Variants in RSBN1L observed in about 807,000 individuals in gnomAD.
RSBN1L encodes round spermatid basic protein 1 like, also known as lysine-specific demethylase RSBN1L.
In RSBN1L, 30 loss-of-function variants were observed where a neutral mutation model predicts 67.7. That is an observed-to-expected ratio of 0.44 (90% CI 0.33 to 0.60). The LOEUF (loss-of-function observed/expected upper bound fraction) is 0.60, where lower values mean the gene tolerates loss of function less well. Ranked by LOEUF, RSBN1L falls within the 20% of genes least tolerant of loss-of-function variation. The pLI, the probability that RSBN1L is intolerant of heterozygous loss-of-function variation, is 0.02. For synonymous variants in RSBN1L, 433 were observed against 387.0 expected (o/e 1.12, Z -1.39); for missense variants, 992 against 1,031.7 (o/e 0.96, Z 0.53).
intron 2 of RSBN1L, among the ~76,000 whole-genome samples, chr7:77,742,188 C>CACACACACA (rs1417244979): frequency 1.4e-5 from 2 of 140,480 alleles, no homozygotes; most frequent in African/African-American, 5.6e-5. Flanking sequence ...AAAATACACA[C>CACACACACA]ACACACACAC....
chr7:77,735,922 T>C (rs1188980000), intron 1 of RSBN1L, among the ~76,000 whole-genome samples: 6 of 152,154 alleles, frequency 3.9e-5, no homozygotes, highest in Non-Finnish European at 7.4e-5. Context: ...TCTAGTCTTA[T>C]GTATGCCAGG....
At chr7:77,707,569 G>A (rs967164423) in intron 1 of RSBN1L, among the ~76,000 whole-genome samples, 1 of 152,166 alleles carries the variant, frequency 6.6e-6, no homozygotes, top group Admixed American at 6.5e-5. Flanking sequence ...TTTGTCATTG[G>A]AGCAATGTAT....
In RSBN1L at chr7:77,780,168, AGT is replaced by A. The variant is rs1791980921; in HGVS notation, c.*1004_*1005del. The stretch of plus-strand genomic sequence containing the variant: ...TTAACAACCAAGACTCAGTTAAGAA[AGT>A]GTGCATCTGCGTGTGTGTGAATGTG... On this transcript the variant is annotated 3_prime_UTR_variant, in exon 8 of 8. Coordinates refer to ENST00000334955, the MANE Select transcript of RSBN1L (RefSeq NM_198467.3). 1 of 151,990 alleles carries A rather than the reference AGT, an allele frequency of 6.6e-6. No individual in the cohort carries two copies. The highest frequency in any genetic ancestry group is 2.1e-4 in the South Asian group (1 of 4,828). The allele number at this position is 151,990 out of a possible 1,614,324, so 9.4% of individuals were successfully genotyped here. A position where few individuals can be genotyped will look rare whatever the true frequency, so the allele number is the denominator to read the frequency against.
chr7:77,726,806 G>T (rs1791209688), intron 1 of RSBN1L, among the ~76,000 whole-genome samples: 1 of 138,774 alleles, frequency 7.2e-6, no homozygotes, highest in Non-Finnish European at 1.5e-5. Flanking sequence ...TTGAGGCAGA[G>T]TCTCGCTCTT....
intron 1 of RSBN1L, among the ~76,000 whole-genome samples, chr7:77,705,297 T>C (rs918837319): frequency 6.6e-6 from 1 of 152,168 alleles, no homozygotes; most frequent in Non-Finnish European, 1.5e-5. Context: ...AATTGTCTTA[T>C]TGTGGTGATA....
chr7:77,767,035 TCCCCTTCCCTTC>T (rs1791775910), intron 4 of RSBN1L, among the ~76,000 whole-genome samples: 1 of 141,870 alleles, frequency 7.0e-6, no homozygotes, highest in Admixed American at 7.0e-5. Flanking sequence ...CCCTTCCCTT[TCCCCTTCCCTTC>T]CCCTTCCCCT....
rs1267433562 is a variant in RSBN1L, at chr7:77,782,793, A to G, written c.*3625A>G. 2 of 152,206 alleles carry G rather than the reference A, an allele frequency of 1.3e-5. No individual in the cohort carries two copies. Among genetic ancestry groups the G allele is most frequent in the Non-Finnish European group, 2.9e-5 (2 of 68,038 alleles). The allele number at this position is 152,206 out of a possible 1,614,324, so 9.4% of individuals were successfully genotyped here. A position where few individuals can be genotyped will look rare whatever the true frequency, so the allele number is the denominator to read the frequency against. On this transcript the variant is annotated 3_prime_UTR_variant, in exon 8 of 8. Coordinates refer to ENST00000334955, the MANE Select transcript of RSBN1L (RefSeq NM_198467.3). ...GTATTTCATTAGTGTTCCTGAGTGT[A>G]AAACAGTTTTTTCCCAAATACTTAT...
intron 2 of RSBN1L, among the ~76,000 whole-genome samples, chr7:77,747,589 C>G (rs572615970): frequency 1.3e-5 from 2 of 152,214 alleles, no homozygotes; most frequent in African/African-American, 4.8e-5. Context: ...CCTGCCAGTA[C>G]ACAGAATGCA....
chr7:77,778,251 A>G (rs1016658922), intron 6 of RSBN1L, 87 bp from the exon 7 acceptor site: 5 of 847,280 alleles, frequency 5.9e-6, no homozygotes, highest in Non-Finnish European at 9.5e-6. Flanking sequence ...GGTATTGACC[A>G]TAAAGTATTT....
intron 3 of RSBN1L, among the ~76,000 whole-genome samples, chr7:77,764,485 A>C (rs979016733): frequency 9.2e-5 from 14 of 152,134 alleles, no homozygotes; most frequent in African/African-American, 2.9e-4. Flanking sequence ...ATCATTATCA[A>C]ATTTTCTTCA....
At chr7:77,721,061 T>G (rs1014219628) in intron 1 of RSBN1L, among the ~76,000 whole-genome samples, 1 of 152,048 alleles carries the variant, frequency 6.6e-6, no homozygotes, top group Non-Finnish European at 1.5e-5. Flanking sequence ...TTTTCTTATG[T>G]GGATTTAACA....
rs1279971204 is a variant in RSBN1L, at chr7:77,696,608, A to C, written c.139A>C (p.Thr47Pro). ...PGSLSAKKVR[T>P]EEKKAPRRVN... is the part of the protein sequence containing the mutation. ...TTCTCTGTCCGCCAAGAAGGTCCGG[A>C]CTGAGGAGAAGAAGGCACCGCGGAG... is the stretch of plus-strand genomic sequence containing the variant. Residue 47 changes from threonine to proline, a missense_variant, in exon 1 of 8, where the codon ACT becomes CCT. Transcript: ENST00000334955. 1 of 1,614,046 alleles carries C rather than the reference A, an allele frequency of 6.2e-7. No individual in the cohort carries two copies. The highest frequency in any genetic ancestry group is 8.5e-7 in the Non-Finnish European group (1 of 1,179,970).
chr7:77,778,467 G>C, intron 7 of RSBN1L, 21 bp downstream of exon 7: 1 of 1,597,790 alleles, frequency 6.3e-7, no homozygotes, highest in Non-Finnish European at 8.5e-7. Flanking sequence ...TACACTTACT[G>C]TCTTTGGTTT....
chr7:77,723,379 G>A (rs1180090191), intron 1 of RSBN1L, among the ~76,000 whole-genome samples: 1 of 152,116 alleles, frequency 6.6e-6, no homozygotes, highest in African/African-American at 2.4e-5. Context: ...TTGAGTAAAA[G>A]TATAGCTTCT....
intron 2 of RSBN1L, among the ~76,000 whole-genome samples, chr7:77,742,479 G>A (rs1375575731): frequency 1.3e-5 from 2 of 152,036 alleles, no homozygotes; most frequent in African/African-American, 2.4e-5. Context: ...GGTCATATAG[G>A]CACCATTTGC....
rs1271648794 is a variant in RSBN1L, at chr7:77,782,734, T to C, written c.*3566T>C. ...TTTCTCGAGTGGTGGTCATTGAGGG[T>C]AGGGAAGATTTTATTTTTTAAGTTG... On this transcript the variant is annotated 3_prime_UTR_variant, in exon 8 of 8. Transcript: ENST00000334955. The C allele has an allele frequency of 6.6e-6, 1 of 152,164 alleles. No individual in the cohort carries two copies. The highest frequency in any genetic ancestry group is 1.5e-5 in the Non-Finnish European group (1 of 68,030). The allele number at this position is 152,164 out of a possible 1,614,324, so 9.4% of individuals were successfully genotyped here.
chr7:77,775,098 A>G (rs1374998099), intron 6 of RSBN1L, among the ~76,000 whole-genome samples: 1 of 152,156 alleles, frequency 6.6e-6, no homozygotes. Context: ...ACTCATAGGC[A>G]GTATGTCCAG....
intron 3 of RSBN1L, among the ~76,000 whole-genome samples, chr7:77,762,143 A>G (rs1174928705): frequency 2.0e-5 from 3 of 152,146 alleles, no homozygotes; most frequent in South Asian, 2.1e-4. Flanking sequence ...TTACATATCT[A>G]TATGTTTTAT....
intron 1 of RSBN1L, among the ~76,000 whole-genome samples, chr7:77,717,734 G>A (rs1265767598): frequency 6.6e-6 from 1 of 152,164 alleles, no homozygotes; most frequent in South Asian, 2.1e-4. Context: ...AAAGGGACAA[G>A]GTCCCGGGTG....
Sources: allele counts gnomAD v4.1 joint callset (sites outside exome capture counted in the v4.1 genomes callset), GRCh38; gene constraint gnomAD v4.1.1; transcripts MANE v1.5; gene names NCBI Gene and HGNC (gene_info 2026-07-23, HGNC 2026-07-21).